Variants in THADA observed in about 807,000 individuals in gnomAD.
The protein encoded by THADA is THADA armadillo repeat containing, also known as tRNA (32-2'-O)-methyltransferase regulator THADA.
A neutral mutation model predicts 219.8 loss-of-function variants in THADA; 213 were observed. The ratio of observed to expected loss-of-function variants is 0.97; its 90% confidence interval spans 0.87 to 1.09. The LOEUF is 1.09. Ranked by LOEUF, THADA falls within the 50% of genes least tolerant of loss-of-function variation. THADA has a pLI of 0.00. For synonymous variants in THADA, 1,018 were observed against 828.9 expected (o/e 1.23, Z -3.92); for missense variants, 2,956 against 2,311.3 (o/e 1.28, Z -5.72).
chr2:43,297,725 G>C (rs2104392677), intron 31 of THADA, among the ~76,000 whole-genome samples: 1 of 124,990 alleles, frequency 8.0e-6, no homozygotes, highest in Admixed American at 7.5e-5. Flanking sequence ...GAGGGAGGTG[G>C]GGGGGTCGGC....
rs1558889982 is a variant in THADA at position 43,515,011 on chromosome 2, ATT to A, written c.3375-6233_3375-6232del. 3.1e-4 allele frequency among the ~76,000 whole-genome samples: 9 copies of A among 29,196 alleles called. 1 individual carries two copies. Among genetic ancestry groups the A allele is most frequent in the Admixed American group, 6.9e-4 (1 of 1,450 alleles). The allele number at this position is 29,196 out of a possible 152,430, so 19.2% of individuals were successfully genotyped here. The stretch of plus-strand genomic sequence containing the variant: ...ATATATAATATATAATATTATATAT[ATT>A]ATATATTTTATATATAATATATATA... On this transcript the variant is annotated intron_variant, in intron 22 of 37. Coordinates refer to ENST00000405975, the MANE Select transcript of THADA (RefSeq NM_022065.5).
intron 30 of THADA, among the ~76,000 whole-genome samples, chr2:43,321,257 G>T (rs1347802122): frequency 1.3e-5 from 2 of 152,194 alleles, no homozygotes; most frequent in Admixed American, 6.5e-5. Flanking sequence ...AACGTCTTTG[G>T]TGTACTAATA....
At chr2:43,380,992 G>A (rs1671943652) in intron 29 of THADA, among the ~76,000 whole-genome samples, 1 of 150,636 alleles carries the variant, frequency 6.6e-6, no homozygotes, top group Non-Finnish European at 1.5e-5. Flanking sequence ...CAGCTACTCA[G>A]GAGGCTAAGA....
intron 28 of THADA, among the ~76,000 whole-genome samples, chr2:43,399,615 G>C (rs1451502477): frequency 1.3e-5 from 2 of 152,138 alleles, no homozygotes; most frequent in Non-Finnish European, 1.5e-5. Context: ...TATTGGGTAG[G>C]TCCAGCAGCA....
At chr2:43,277,002 C>A (rs994782972) in intron 36 of THADA, among the ~76,000 whole-genome samples, 6 of 152,160 alleles carry the variant, frequency 3.9e-5, no homozygotes, top group African/African-American at 1.2e-4. Flanking sequence ...ATACATCAGT[C>A]CTCTCCTCTC....
intron 28 of THADA, among the ~76,000 whole-genome samples, chr2:43,403,205 C>T (rs530708957): frequency 3.3e-5 from 5 of 152,144 alleles, no homozygotes; most frequent in East Asian, 1.9e-4. Flanking sequence ...GACTTTACAA[C>T]GCAGTTGCCT....
At chr2:43,588,190 A>G (rs1469213914) in intron 4 of THADA, among the ~76,000 whole-genome samples, 1 of 152,128 alleles carries the variant, frequency 6.6e-6, no homozygotes, top group South Asian at 2.1e-4. Context: ...GGACGATTCA[A>G]CAGTTTGGGT....
rs537463727 is a variant in THADA, at chr2:43,567,476, A to C, written c.2188-655T>G. Among the ~76,000 whole-genome samples, 9 of 152,090 alleles carry C rather than the reference A, an allele frequency of 5.9e-5. No homozygotes were observed. In the South Asian group the frequency reaches 1.9e-3, roughly 32 times the overall value. Reference sequence around the variant, plus strand: ...ACCCTGTCTCTACTAAAAATACAAAAATTAGCCAGGTGTGGTGGCAGAGGC... The same window carrying C: ...ACCCTGTCTCTACTAAAAATACAAACATTAGCCAGGTGTGGTGGCAGAGGC... On this transcript the variant is annotated intron_variant, in intron 14 of 37. Coordinates refer to ENST00000405975, the MANE Select transcript of THADA (RefSeq NM_022065.5).
chr2:43,449,644 C>T (rs1234637316), intron 26 of THADA, among the ~76,000 whole-genome samples: 2 of 152,114 alleles, frequency 1.3e-5, no homozygotes, highest in Non-Finnish European at 2.9e-5. Flanking sequence ...TGGTGTGCTC[C>T]TGTGTTCCCA....
At chr2:43,421,520 C>T (rs972915870) in intron 28 of THADA, among the ~76,000 whole-genome samples, 2 of 152,170 alleles carry the variant, frequency 1.3e-5, no homozygotes, top group African/African-American at 4.8e-5. Context: ...TGTACTCTCT[C>T]TCCAGGCAAC....
At chr2:43,367,014 G>T (rs539641833) in intron 29 of THADA, among the ~76,000 whole-genome samples, 1 of 152,230 alleles carries the variant, frequency 6.6e-6, no homozygotes, top group Admixed American at 6.5e-5. Context: ...GCATTAAAAA[G>T]AAAATTCTGA....
At chr2:43,245,117 G>GT (rs138140372) in intron 36 of THADA, among the ~76,000 whole-genome samples, 10,301 of 150,048 alleles carry the variant, frequency 0.069, 450 homozygotes, top group South Asian at 0.19. Flanking sequence ...TTTCCTTGAA[G>GT]TCACTTCAGT....
chr2:43,408,897 G>C (rs989506504), intron 28 of THADA, among the ~76,000 whole-genome samples: 1 of 152,034 alleles, frequency 6.6e-6, no homozygotes, highest in African/African-American at 2.4e-5. Flanking sequence ...TCTATAGTTG[G>C]AGCCAATCTT....
chr2:43,519,487 T>C (rs936513635), intron 22 of THADA, among the ~76,000 whole-genome samples: 2 of 152,190 alleles, frequency 1.3e-5, no homozygotes, highest in Admixed American at 6.5e-5. Flanking sequence ...AATACATAAG[T>C]AGTTCCTGAT....
chr2:43,283,438 T>A (rs1673609055), intron 35 of THADA, among the ~76,000 whole-genome samples: 1 of 152,180 alleles, frequency 6.6e-6, no homozygotes, highest in Admixed American at 6.5e-5. Context: ...GACAGGAAGA[T>A]GTGGGAAAGT....
chr2:43,483,665 T>C (rs1013715492), intron 26 of THADA, among the ~76,000 whole-genome samples: 6 of 151,954 alleles, frequency 3.9e-5, no homozygotes, highest in African/African-American at 1.4e-4. Context: ...ATTAAAATTG[T>C]ATAGTATCAC....
At chr2:43,396,118 T>A (rs1245726262) in intron 29 of THADA, among the ~76,000 whole-genome samples, 1 of 152,160 alleles carries the variant, frequency 6.6e-6, no homozygotes, top group Admixed American at 6.5e-5. Context: ...CCGCAACCCC[T>A]TTTAAGAGTG....
chr2:43,570,265 T>C (rs973835975), intron 14 of THADA, 123 bp downstream of exon 14: 3 of 1,009,226 alleles, frequency 3.0e-6, no homozygotes, highest in African/African-American at 3.3e-5. Flanking sequence ...AATACTCAGC[T>C]TGAAGGAAAA....
chr2:43,528,126 C>CTTTTTTTTTTTT (rs367822642), intron 21 of THADA, 138 bp from the exon 22 acceptor site: 1 of 158,420 alleles, frequency 6.3e-6, no homozygotes, highest in Non-Finnish European at 1.2e-5. Flanking sequence ...ATGTTTTAAG[C>CTTTTTTTTTTTT]TTTTTTTTTT....
Sources: allele counts gnomAD v4.1 joint callset (sites outside exome capture counted in the v4.1 genomes callset), GRCh38; gene constraint gnomAD v4.1.1; transcripts MANE v1.5; gene names NCBI Gene and HGNC (gene_info 2026-07-23, HGNC 2026-07-21).